SNF8: variants seen among roughly 807,000 people sequenced by gnomAD.
SNF8 encodes vacuolar-sorting protein SNF8.
A neutral mutation model predicts 36.8 loss-of-function variants in SNF8; 19 were observed. The observed-to-expected ratio is 0.52, with a 90% confidence interval of 0.36 to 0.76. The LOEUF (loss-of-function observed/expected upper bound fraction) is 0.76, where lower values mean the gene tolerates loss of function less well. Among genes scored for constraint, SNF8 ranks in the 30% least tolerant of loss-of-function variants. SNF8 has a pLI of 0.00. For synonymous variants in SNF8, 127 were observed against 127.4 expected, an observed-to-expected ratio of 1.00 and a Z score of 0.02; for missense variants, 268 against 322.9, an observed-to-expected ratio of 0.83 and a Z score of 1.30.
intron 5 of SNF8, among the ~76,000 whole-genome samples, chr17:48,934,188 A>G (rs551430966): frequency 1.3e-5 from 2 of 152,338 alleles, no homozygotes; most frequent in South Asian, 2.1e-4. Context: ...GGGAAAGGGC[A>G]CTTTTAGGTA....
intron 3 of SNF8, among the ~76,000 whole-genome samples, chr17:48,939,762 A>G (rs2040993004): frequency 6.6e-6 from 1 of 151,370 alleles, no homozygotes; most frequent in Admixed American, 6.6e-5. Flanking sequence ...CCGGTGAATA[A>G]TTTTTTTTAA....
chr17:48,934,985 CAATT>C (rs1787203473), intron 5 of SNF8, among the ~76,000 whole-genome samples: 1 of 152,172 alleles, frequency 6.6e-6, no homozygotes, highest in South Asian at 2.1e-4. Context: ...AGAACTAGAT[CAATT>C]TATATTCCAT....
At chr17:48,934,856 C>G (rs369740419) in intron 5 of SNF8, among the ~76,000 whole-genome samples, 6 of 152,178 alleles carry the variant, frequency 3.9e-5, no homozygotes, top group Admixed American at 1.3e-4. Flanking sequence ...CACCCAGCCT[C>G]GTTACTTTTC....
rs1419101126 is a variant in SNF8 at position 48,930,390 on chromosome 17, A to G, written c.*85T>C. The G allele has an allele frequency of 2.2e-6, 3 of 1,342,296 alleles. No individual in the cohort carries two copies. The highest frequency in any genetic ancestry group is 1.5e-5 in the African/African-American group (1 of 68,116). The allele number at this position is 1,342,296 out of a possible 1,614,324, so 83.1% of individuals were successfully genotyped here. ...AAGAAAAACTTGGAACTTTTTTTCT[A>G]TTTTTTGTATAAACAAAATTGCCCA... On this transcript the variant is annotated 3_prime_UTR_variant, in exon 8 of 8. Transcript: ENST00000502492.
Position 48,930,103 on chromosome 17 carries a change from T to G in SNF8, c.*372A>C, listed in dbSNP as rs1359944665. ...TCCATTAGGACCAGCTAGTTTGAGA[T>G]AAGGAACATTTTATTTAAAAGGTTT... On this transcript the variant is annotated 3_prime_UTR_variant, in exon 8 of 8. Coordinates refer to ENST00000502492, the MANE Select transcript of SNF8 (RefSeq NM_007241.4). 6.5e-6 allele frequency: 1 copy of G among 154,036 alleles called. No homozygotes were observed. Among genetic ancestry groups the G allele is most frequent in the Non-Finnish European group, 1.4e-5 (1 of 71,220 alleles). 9.5% of individuals were successfully genotyped at this position (154,036 alleles called of 1,614,324 possible).
Position 48,943,961 on chromosome 17 carries a change from C to T in SNF8, c.69G>A (p.Glu23=), listed in dbSNP as rs200596930. ...KKKLAEAKYK[E]RGTVLAEDQL... is the part of the protein sequence containing the mutation. ...GGTCCTCAGCCAAGACCGTCCCTCG[C>T]TCCTTATACTTGGCCTGTCAGACAA... The change falls in exon 2 of 8, where the codon GAG becomes GAA. Residue 23 remains glutamate (E), a synonymous_variant. Transcript: ENST00000502492. 1.2e-5 allele frequency: 20 copies of T among 1,613,998 alleles called. No homozygotes were observed. The highest frequency in any genetic ancestry group is 6.7e-5 in the Admixed American group (4 of 60,002).
Position 48,931,690 on chromosome 17 carries a change from T to G in SNF8, c.592A>C (p.Ile198Leu). The change falls in exon 7 of 8, where the codon ATC becomes CTC. Residue 198 changes from isoleucine (I) to leucine (L), a missense_variant. Ile to Leu is a conservative substitution (Grantham distance 5). Coordinates refer to ENST00000502492, the MANE Select transcript of SNF8 (RefSeq NM_007241.4). ...GTCTCCCATTTAAGACTGGCTTTGA[T>G]CTCACTGACAGTCACGTAGCCATTC... ...EKNGYVTVSE[I>L]KASLKWETER... 2 of 1,613,380 alleles carry G rather than the reference T, an allele frequency of 1.2e-6. No homozygotes were observed. The highest frequency in any genetic ancestry group is 1.7e-6 in the Non-Finnish European group (2 of 1,179,676).
intron 5 of SNF8, 150 bp downstream of exon 5, chr17:48,936,020 G>GT (rs140139274): frequency 8.8e-6 from 5 of 565,002 alleles, no homozygotes; most frequent in East Asian, 3.1e-5. Flanking sequence ...CTTATTTTTT[G>GT]TTTGTTTTTT....
rs1297120769 is a variant in SNF8 at position 48,929,717 on chromosome 17, A to C, written c.*758T>G. 1 of 152,192 alleles carries C rather than the reference A, an allele frequency of 6.6e-6. No individual in the cohort carries two copies. The highest frequency in any genetic ancestry group is 2.4e-5 in the African/African-American group (1 of 41,438). The allele number at this position is 152,192 out of a possible 1,614,324, so 9.4% of individuals were successfully genotyped here. A position where few individuals can be genotyped will look rare whatever the true frequency, so the allele number is the denominator to read the frequency against. On this transcript the variant is annotated 3_prime_UTR_variant, in exon 8 of 8. Transcript: ENST00000502492. ...TCGGCTGAAGCTGGCGGCCCCTGGC[A>C]AATTACTTTGATTGAATCACCTGTG...
intron 2 of SNF8, among the ~76,000 whole-genome samples, chr17:48,941,989 CCAAT>C (rs560401420): frequency 1.2e-4 from 19 of 152,018 alleles, no homozygotes; most frequent in East Asian, 1.9e-4. Flanking sequence ...CCGCACAGGG[CCAAT>C]CAATCAATCA....
At chr17:48,936,149 G>A in intron 5 of SNF8, 21 bp downstream of exon 5, 1 of 1,585,050 alleles carries the variant, frequency 6.3e-7, no homozygotes, top group Non-Finnish European at 8.7e-7. Flanking sequence ...GTACTCCAAG[G>A]GATTGGAAGA....
At chr17:48,941,262 C>T (rs1598092764) in intron 2 of SNF8, among the ~76,000 whole-genome samples, 200 bp from the exon 3 acceptor site, 1 of 152,174 alleles carries the variant, frequency 6.6e-6, no homozygotes, top group African/African-American at 2.4e-5. Context: ...GGATGCTGTA[C>T]TGTTTTCTCA....
intron 3 of SNF8, among the ~76,000 whole-genome samples, chr17:48,940,004 G>A (rs1358978391): frequency 6.7e-6 from 1 of 149,804 alleles, no homozygotes; most frequent in African/African-American, 2.4e-5. Context: ...CAACCTGGGA[G>A]GCAGAGGTTG....
In SNF8 at chr17:48,940,442, G is replaced by A. The variant is rs143213339; in HGVS notation, c.244+482C>T. On this transcript the variant is annotated intron_variant, in intron 3 of 7. Transcript: ENST00000502492. Reference sequence around the variant, plus strand: ...GACACTGGCTACTCAGCCTATAGTCGGTCTATCTTCCATATCAGACTGGGA... The same window carrying A: ...GACACTGGCTACTCAGCCTATAGTCAGTCTATCTTCCATATCAGACTGGGA... 3.4e-3 allele frequency among the ~76,000 whole-genome samples: 522 copies of A among 152,082 alleles called. 5 individuals are homozygous for A. Among genetic ancestry groups the A allele is most frequent in the African/African-American group, 0.011 (476 of 41,468 alleles).
At position 48,936,860 on chromosome 17, in the gene SNF8, G is replaced by A. The variant is rs1034654806; in HGVS notation, c.349+160C>T. The stretch of plus-strand genomic sequence containing the variant: ...GTTCAGGTAATTCTATTTACCCTTG[G>A]CCATGGAGACTTGCCATGGATTCAA... On this transcript the variant is annotated intron_variant, in intron 4 of 7. Transcript: ENST00000502492. 1.0e-5 allele frequency: 7 copies of A among 673,798 alleles called. No individual in the cohort carries two copies. In the African/African-American group the frequency reaches 1.3e-4, roughly 12 times the overall value. The allele number at this position is 673,798 out of a possible 1,614,324, so 41.7% of individuals were successfully genotyped here.
intron 3 of SNF8, among the ~76,000 whole-genome samples, chr17:48,939,241 G>C (rs2040982987): frequency 6.7e-6 from 1 of 150,058 alleles, no homozygotes; most frequent in South Asian, 2.1e-4. Flanking sequence ...CTCCAGCATG[G>C]GCAACAGAGT....
chr17:48,939,150 T>TA (rs1275174194), intron 3 of SNF8, among the ~76,000 whole-genome samples: 3 of 151,076 alleles, frequency 2.0e-5, no homozygotes, highest in East Asian at 2.0e-4. Context: ...CCCAGCTAGC[T>TA]ACTCAGGAGG....
At chr17:48,930,725 C>CA in intron 7 of SNF8, 113 bp from the exon 8 acceptor site, 1 of 1,105,426 alleles carries the variant, frequency 9.0e-7, no homozygotes. Flanking sequence ...CAAACTAAAT[C>CA]TACTAAGTGC....
intron 6 of SNF8, 148 bp from the exon 7 acceptor site, chr17:48,931,865 G>T (rs150916020): frequency 3.4e-6 from 2 of 585,246 alleles, no homozygotes; most frequent in African/African-American, 1.9e-5. Flanking sequence ...AGGTTCCAGC[G>T]GGGAGAGAGA....
Sources: allele counts gnomAD v4.1 joint callset (sites outside exome capture counted in the v4.1 genomes callset), GRCh38; gene constraint gnomAD v4.1.1; transcripts MANE v1.5; gene names NCBI Gene and HGNC (gene_info 2026-07-23, HGNC 2026-07-21).